AP1M1: variants seen among roughly 807,000 people sequenced by gnomAD.
AP1M1 encodes AP-1 complex subunit mu-1.
Under a neutral mutation model 57.1 loss-of-function variants are expected in AP1M1, and 18 were observed. The observed-to-expected ratio is 0.32, with a 90% CI of 0.22 to 0.47. The LOEUF is 0.47. AP1M1 is among the 20% of genes least tolerant of loss of function. The probability of loss-of-function intolerance (pLI) is 1.00; values close to 1 mark genes in which losing one functional copy is unlikely to be tolerated. For synonymous variants in AP1M1, 241 were observed against 237.9 expected (o/e 1.01, Z -0.12); for missense variants, 362 against 593.5 (o/e 0.61, Z 4.05).
In AP1M1 at chr19:16,197,975, T is replaced by TCGCTGCCGCCGCCACCGCCCTAGGC; in HGVS notation, c.-31_-30insAGGCCGCTGCCGCCGCCACCGCCCT. ...GCTCAACGCCCAGCAGTCCCCACCGTCGCTGCCGCCGCCACCGCCCTCGGC... is the reference window on the plus strand; with the variant it reads ...GCTCAACGCCCAGCAGTCCCCACCGTCGCTGCCGCCGCCACCGCCCTAGGCCGCTGCCGCCGCCACCGCCCTCGGC... On this transcript the variant is annotated 5_prime_UTR_variant, in exon 1 of 12. Coordinates refer to ENST00000291439, the MANE Select transcript of AP1M1 (RefSeq NM_032493.4). 1.4e-6 allele frequency: 2 copies of TCGCTGCCGCCGCCACCGCCCTAGGC among 1,451,818 alleles called. No individual in the cohort carries two copies. The highest frequency in any genetic ancestry group is 1.5e-5 in the African/African-American group (1 of 64,672). 89.9% of individuals were successfully genotyped at this position (1,451,818 alleles called of 1,614,324 possible).
Position 16,233,597 on chromosome 19 carries a change from C to G in AP1M1, c.1152C>G (p.Tyr384Ter). Residue 384 changes from tyrosine (Y) to a stop codon, truncating the protein, a stop_gained, in exon 10 of 12, where the codon TAC becomes TAG. Coordinates refer to ENST00000291439, the MANE Select transcript of AP1M1 (RefSeq NM_032493.4). LOFTEE classifies it high-confidence loss of function. Reference protein sequence around the residue: ...PPISVKFEIPYFTTSGIQVRY... With the variant: ...PPISVKFEIP Reference sequence around the variant, plus strand: ...TCAGTGTCAAGTTCGAGATCCCTTACTTCACTACCTCCGGCATCCAGGTAC... The same window carrying G: ...TCAGTGTCAAGTTCGAGATCCCTTAGTTCACTACCTCCGGCATCCAGGTAC... The G allele has an allele frequency of 1.2e-6, 2 of 1,611,548 alleles. No individual in the cohort carries two copies. Among genetic ancestry groups the G allele is most frequent in the Non-Finnish European group, 1.7e-6 (2 of 1,178,960 alleles).
At chr19:16,234,078 G>T in intron 10 of AP1M1, 121 bp from the exon 11 acceptor site, 1 of 944,270 alleles carries the variant, frequency 1.1e-6, no homozygotes, top group East Asian at 2.6e-5. Flanking sequence ...CCTGAGGCCT[G>T]TGCTCATCCT....
chr19:16,234,073 G>A (rs1406696785), intron 10 of AP1M1, 126 bp from the exon 11 acceptor site: 1 of 882,880 alleles, frequency 1.1e-6, no homozygotes. Flanking sequence ...ACCCCCCTGA[G>A]GCCTGTGCTC....
rs749022947 is a variant in AP1M1, at chr19:16,204,738, C to A, written c.199+1123C>A. Among the ~76,000 whole-genome samples, 3 of 152,046 alleles carry A rather than the reference C, an allele frequency of 2.0e-5. No homozygotes were observed. The South Asian group carries it at 6.2e-4, about 32-fold the overall frequency. On this transcript the variant is annotated intron_variant, in intron 2 of 11. Coordinates refer to ENST00000291439, the MANE Select transcript of AP1M1 (RefSeq NM_032493.4). ...CCGGTGTGCACATTCCCATGTGGGC[C>A]GTGCTGGCCCAGGGCTCCCTGTGGT...
chr19:16,203,997 C>T lies in AP1M1; in HGVS notation c.199+382C>T, dbSNP rs528927633. On this transcript the variant is annotated intron_variant, in intron 2 of 11. Coordinates refer to ENST00000291439, the MANE Select transcript of AP1M1 (RefSeq NM_032493.4). This position sits in a 1 kb window ranked among gnomAD's most constrained non-coding sequence, Gnocchi z 4.6. ...GCACTCGGGGTGGCTGGAGAGGGGG[C>T]GTGTAGGGCAGCGAGGCTGGAGTGG... Among the ~76,000 whole-genome samples the T allele has an allele frequency of 2.0e-5, 3 of 152,118 alleles. No homozygotes were observed. The highest frequency in any genetic ancestry group is 2.1e-4 in the South Asian group (1 of 4,812).
Position 16,215,200 on chromosome 19 carries a change from C to G in AP1M1, c.546+6023C>G, listed in dbSNP as rs901918510. ...GCACTTTGGGAGGCTAAGGCGGGGG[C>G]GGGGGGGGGGGAGAGGGGGGAGGGG... On this transcript the variant is annotated intron_variant, in intron 5 of 11. Transcript: ENST00000291439. Among the ~76,000 whole-genome samples, 45 of 7,358 alleles carry G rather than the reference C, an allele frequency of 6.1e-3. 3 individuals carry two copies. The highest frequency in any genetic ancestry group is 0.016 in the Admixed American group (12 of 742). 4.8% of individuals were successfully genotyped at this position (7,358 alleles called of 152,430 possible).
chr19:16,213,053 G>A (rs2091502060), intron 5 of AP1M1, among the ~76,000 whole-genome samples: 1 of 152,074 alleles, frequency 6.6e-6, no homozygotes, highest in South Asian at 2.1e-4. Flanking sequence ...ATGTACAGAT[G>A]AGATATATTC....
rs34850342 is a variant in AP1M1, at chr19:16,234,264, G to A, written c.1239G>A (p.Thr413=). The A allele has an allele frequency of 2.4e-4, 388 of 1,613,866 alleles. 1 individual carries two copies. The African/African-American group carries it at 3.5e-3, about 14-fold the overall frequency. ...CCCTGCCCTGGGTGCGTTATATCAC[G>A]CAGAATGGAGGTGAGTGAGGCCCTA... ...YQALPWVRYI[T]QNGDYQLRTQ Residue 413 remains threonine (T), a synonymous_variant, in exon 11 of 12, where the codon ACG becomes ACA. Coordinates refer to ENST00000291439, the MANE Select transcript of AP1M1 (RefSeq NM_032493.4).
Position 16,236,494 on chromosome 19 carries a change from A to T in AP1M1, c.*2059A>T, listed in dbSNP as rs2091625382. On this transcript the variant is annotated 3_prime_UTR_variant, in exon 12 of 12. Transcript: ENST00000291439. The stretch of plus-strand genomic sequence containing the variant: ...ACCACCGGGTTTAGGTTTGGGGGCC[A>T]GGTGGCAGATAGGACTTTGGGCATC... 6.6e-6 allele frequency: 1 copy of T among 152,252 alleles called. No homozygotes were observed. The highest frequency in any genetic ancestry group is 6.5e-5 in the Admixed American group (1 of 15,274). The allele number at this position is 152,252 out of a possible 1,614,324, so 9.4% of individuals were successfully genotyped here.
chr19:16,226,851 T>G, intron 6 of AP1M1: 1 of 253,206 alleles, frequency 3.9e-6, no homozygotes, highest in Non-Finnish European at 7.6e-6. Context: ...GGCCTTGCTC[T>G]CTCCCTCCCA....
In AP1M1 at chr19:16,207,960, C is replaced by T. The variant is rs2091476287; in HGVS notation, c.268-59C>T. 3 of 1,566,430 alleles carry T rather than the reference C, an allele frequency of 1.9e-6. No homozygotes were observed. The highest frequency in any genetic ancestry group is 1.2e-5 in the South Asian group (1 of 83,604). ...AATGTGTGCAAGCGTTCATTCATTC[C>T]TCATCCGTCCGCTCAATGATCTGCC... On this transcript the variant is annotated intron_variant, in intron 3 of 11. Coordinates refer to ENST00000291439, the MANE Select transcript of AP1M1 (RefSeq NM_032493.4). This position sits in a 1 kb window ranked among gnomAD's most constrained non-coding sequence, Gnocchi z 4.2.
chr19:16,216,904 T>C (rs971818672), intron 5 of AP1M1, among the ~76,000 whole-genome samples: 1 of 152,218 alleles, frequency 6.6e-6, no homozygotes, highest in Non-Finnish European at 1.5e-5. Context: ...GATCTGTTCT[T>C]GTTTGCATGT....
At chr19:16,221,994 T>C (rs988653083) in intron 5 of AP1M1, among the ~76,000 whole-genome samples, 1 of 151,110 alleles carries the variant, frequency 6.6e-6, no homozygotes, top group African/African-American at 2.4e-5. Flanking sequence ...CCCTCAGATA[T>C]GTTTTTGTCA....
chr19:16,216,979 AGCCAGCCTCTG>A (rs2091521652), intron 5 of AP1M1, among the ~76,000 whole-genome samples: 1 of 151,968 alleles, frequency 6.6e-6, no homozygotes, highest in African/African-American at 2.4e-5. Flanking sequence ...GATGTCAGGG[AGCCAGCCTCTG>A]GGAGGGCATT....
At chr19:16,230,453 T>C (rs1027903965) in intron 9 of AP1M1, among the ~76,000 whole-genome samples, 4 of 149,198 alleles carry the variant, frequency 2.7e-5, no homozygotes, top group Non-Finnish European at 5.9e-5. Context: ...TAGGCTGGAG[T>C]GCAGTGGCAC....
At chr19:16,223,307 T>G (rs2145133074) in intron 5 of AP1M1, among the ~76,000 whole-genome samples, 1 of 152,304 alleles carries the variant, frequency 6.6e-6, no homozygotes, top group South Asian at 2.1e-4. Context: ...CTTTCGTAAG[T>G]CAAACTATGG....
chr19:16,216,397 A>C (rs577225558), intron 5 of AP1M1, among the ~76,000 whole-genome samples: 131 of 151,910 alleles, frequency 8.6e-4, no homozygotes, highest in Non-Finnish European at 1.5e-3. Context: ...GTGAGCCGAG[A>C]TTGCACCACT....
intron 9 of AP1M1, among the ~76,000 whole-genome samples, chr19:16,229,336 G>A (rs527357156): frequency 3.3e-5 from 5 of 152,388 alleles, no homozygotes; most frequent in Middle Eastern, 6.8e-3. Flanking sequence ...ACGGCTGCCT[G>A]TAGGCCGGAG....
Position 16,227,793 on chromosome 19 carries a change from C to T in AP1M1, c.816+103C>T. ...GCGCCAGGGCCAGCCCCACCCCACG[C>T]TCCATGAGCTGCCTGGCTCTGCAGA... is the stretch of plus-strand genomic sequence containing the variant. On this transcript the variant is annotated intron_variant, in intron 7 of 11. Transcript: ENST00000291439. This position sits in a 1 kb window ranked among gnomAD's most constrained non-coding sequence, Gnocchi z 6.2. 3 of 1,394,186 alleles carry T rather than the reference C, an allele frequency of 2.2e-6. No individual in the cohort carries two copies. The highest frequency in any genetic ancestry group is 1.3e-5 in the South Asian group (1 of 79,206). 86.4% of individuals were successfully genotyped at this position (1,394,186 alleles called of 1,614,324 possible).
Sources: allele counts gnomAD v4.1 joint callset (sites outside exome capture counted in the v4.1 genomes callset), GRCh38; gene constraint gnomAD v4.1.1; non-coding constraint Gnocchi (gnomAD v3.1); transcripts MANE v1.5; gene names NCBI Gene and HGNC (gene_info 2026-07-23, HGNC 2026-07-21).